The following IDO2 variants were observed in gnomAD, a reference collection of about 807,000 sequenced individuals.
The protein encoded by IDO2 is indoleamine 2,3-dioxygenase 2.
A neutral mutation model predicts 45.1 loss-of-function variants in IDO2; 46 were observed. That is an observed-to-expected ratio of 1.02 (90% CI 0.80 to 1.30). The LOEUF is 1.30. Among genes scored for constraint, IDO2 ranks in the 50% most tolerant of loss-of-function variants. The pLI is 0.00. For synonymous variants in IDO2, 218 were observed against 184.9 expected (o/e 1.18, Z -1.45); for missense variants, 544 against 491.8 (o/e 1.11, Z -1.00).
intron 4 of IDO2, among the ~76,000 whole-genome samples, chr8:39,982,238 A>ATATATATATATATG (rs1554547492): frequency 1.6e-4 from 3 of 18,308 alleles, no homozygotes; most frequent in African/African-American, 2.6e-4. Flanking sequence ...ATATGTGTGT[A>ATATATATATATATG]TATATATATA....
At chr8:39,974,193 C>T (rs1808224905) in intron 3 of IDO2, among the ~76,000 whole-genome samples, 2 of 152,052 alleles carry the variant, frequency 1.3e-5, no homozygotes, top group African/African-American at 4.8e-5. Flanking sequence ...ATCAGGGCAG[C>T]AATAAACAAG....
rs113818226 is a variant in IDO2, at chr8:39,965,966, T to C, written c.195+2263T>C. On this transcript the variant is annotated intron_variant, in intron 3 of 10. Coordinates refer to ENST00000502986, the Ensembl canonical transcript of IDO2. ...TTCTGCTATTTTAAGTCATGATGTT[T>C]GTGGTCATTAGTTATGGCAGCGCAT... Among the ~76,000 whole-genome samples the C allele has an allele frequency of 7.0e-3, 1,066 of 152,184 alleles. 4 individuals carry two copies. Among genetic ancestry groups the C allele is most frequent in the Non-Finnish European group, 0.012 (812 of 67,994 alleles).
intron 9 of IDO2, among the ~76,000 whole-genome samples, chr8:40,009,958 T>C (rs1346740813): frequency 6.6e-6 from 1 of 152,192 alleles, no homozygotes; most frequent in Admixed American, 6.5e-5. Flanking sequence ...GCCTACCCCA[T>C]GTCAGTTCTA....
chr8:40,016,023 T>G (rs1225606169), exon 11 of IDO2: 3 of 387,694 alleles, frequency 7.7e-6, no homozygotes, highest in East Asian at 3.6e-5. Context: ...CCTCCAAGAT[T>G]AAAACCAGGA....
chr8:39,937,639 A>C (rs566121199), intron 1 of IDO2, among the ~76,000 whole-genome samples: 8 of 151,348 alleles, frequency 5.3e-5, no homozygotes, highest in African/African-American at 1.9e-4. Context: ...TGCTACCTCA[A>C]CCCCCCACGT....
chr8:39,982,789 G>T lies in IDO2; in HGVS notation c.434+19G>T. The T allele has an allele frequency of 1.4e-6, 2 of 1,442,930 alleles. No individual in the cohort carries two copies. The highest frequency in any genetic ancestry group is 9.5e-7 in the Non-Finnish European group (1 of 1,055,852). The allele number at this position is 1,442,930 out of a possible 1,614,324, so 89.4% of individuals were successfully genotyped here. On this transcript the variant is annotated intron_variant, in intron 5 of 10. Coordinates refer to ENST00000502986, the Ensembl canonical transcript of IDO2. ...CAGACGGGTAAGGAAGGAAGAGAATGCTTTGAATTTCCATAACTTTCCCCC... is the reference window on the plus strand; with the variant it reads ...CAGACGGGTAAGGAAGGAAGAGAATTCTTTGAATTTCCATAACTTTCCCCC...
intron 2 of IDO2, among the ~76,000 whole-genome samples, chr8:39,951,015 C>A (rs539854344): frequency 1.0e-5 from 1 of 95,246 alleles, no homozygotes; most frequent in Admixed American, 1.2e-4. Flanking sequence ...GCAACAAGAG[C>A]GAAACTCGTC....
chr8:40,000,319 A>G (rs956365954), intron 8 of IDO2, among the ~76,000 whole-genome samples: 5 of 152,048 alleles, frequency 3.3e-5, no homozygotes, highest in African/African-American at 1.2e-4. Context: ...CTGAGGCAGG[A>G]GAATCGCTTG....
chr8:39,995,793 G>C (rs1802033497), intron 8 of IDO2, among the ~76,000 whole-genome samples: 2 of 140,130 alleles, frequency 1.4e-5, no homozygotes, highest in Admixed American at 7.3e-5. Flanking sequence ...AGGAGCTAAA[G>C]GGACAGGGTG....
chr8:39,961,016 C>T (rs573017474), intron 2 of IDO2, among the ~76,000 whole-genome samples: 76 of 152,290 alleles, frequency 5.0e-4, no homozygotes, highest in Middle Eastern at 6.8e-3. Context: ...ATCTCCTGAC[C>T]TCGTGATCTG....
rs557609763 is a variant in IDO2, at chr8:39,975,639, G to T, written c.196-3428G>T. Among the ~76,000 whole-genome samples, 46 of 152,242 alleles carry T rather than the reference G, an allele frequency of 3.0e-4. 1 individual carries two copies. The highest frequency in any genetic ancestry group is 1.0e-3 in the African/African-American group (43 of 41,534). On this transcript the variant is annotated intron_variant, in intron 3 of 10. Coordinates refer to ENST00000502986, the Ensembl canonical transcript of IDO2. ...TAAAGTCTGGCATGAACAGGTATTG[G>T]CAGGAATATAAAACACCTGAATCTT...
At chr8:39,972,609 CAAAAAAA>C (rs35394460) in intron 3 of IDO2, among the ~76,000 whole-genome samples, 8 of 34,550 alleles carry the variant, frequency 2.3e-4, no homozygotes, top group East Asian at 1.8e-3. Flanking sequence ...GACTCCATCT[CAAAAAAA>C]AAAAAAAAAA....
At chr8:39,954,952 C>A (rs1000193241) in intron 2 of IDO2, among the ~76,000 whole-genome samples, 26 of 151,678 alleles carry the variant, frequency 1.7e-4, no homozygotes, top group Non-Finnish European at 3.7e-4. Flanking sequence ...CTACTGTGCC[C>A]AGTCTCCCCC....
chr8:39,950,347 C>A (rs1807795156), intron 2 of IDO2, among the ~76,000 whole-genome samples: 1 of 152,122 alleles, frequency 6.6e-6, no homozygotes, highest in South Asian at 2.1e-4. Context: ...GGTTGATCAA[C>A]ATGGTGAAAC....
intron 2 of IDO2, among the ~76,000 whole-genome samples, chr8:39,956,037 C>T: frequency 6.8e-6 from 1 of 146,492 alleles, no homozygotes; most frequent in African/African-American, 2.5e-5. Flanking sequence ...GTTACGTTTT[C>T]TTCATAAGAT....
intron 3 of IDO2, among the ~76,000 whole-genome samples, chr8:39,970,130 C>G (rs978912302): frequency 3.3e-5 from 5 of 152,288 alleles, no homozygotes; most frequent in Admixed American, 3.3e-4. Context: ...CCACAACTTC[C>G]CTTAAACCAA....
chr8:39,939,017 G>C (rs977153560), intron 1 of IDO2, among the ~76,000 whole-genome samples: 1 of 151,220 alleles, frequency 6.6e-6, no homozygotes, highest in Non-Finnish European at 1.5e-5. Flanking sequence ...ACTTTGGGAG[G>C]CTGAGGCGGG....
intron 2 of IDO2, among the ~76,000 whole-genome samples, chr8:39,962,873 G>A (rs573078112): frequency 1.1e-4 from 17 of 152,234 alleles, no homozygotes; most frequent in African/African-American, 3.9e-4. Context: ...CAAACCATAG[G>A]TAGTATCAGA....
chr8:39,945,759 T>C (rs940590305), intron 1 of IDO2, among the ~76,000 whole-genome samples: 3 of 152,204 alleles, frequency 2.0e-5, no homozygotes, highest in Non-Finnish European at 4.4e-5. Flanking sequence ...GGATTTCATT[T>C]ATATCTCTCA....
Sources: allele counts gnomAD v4.1 joint callset (sites outside exome capture counted in the v4.1 genomes callset), GRCh38; gene constraint gnomAD v4.1.1; transcripts MANE v1.5; gene names NCBI Gene and HGNC (gene_info 2026-07-23, HGNC 2026-07-21).